ATAD2B: variants seen among roughly 807,000 people sequenced by gnomAD.
The protein encoded by ATAD2B is ATPase family AAA domain containing 2B.
A neutral mutation model predicts 167.6 loss-of-function variants in ATAD2B; 40 were observed. That is an observed-to-expected ratio of 0.24 (90% CI 0.19 to 0.31). The LOEUF (loss-of-function observed/expected upper bound fraction) is 0.31. Among genes scored for constraint, ATAD2B ranks in the 10% least tolerant of loss-of-function variants. The pLI is 1.00. For missense variants in ATAD2B, 1,242 were observed against 1,757.2 expected, an observed-to-expected ratio of 0.71 and a Z score of 5.24; for synonymous variants, 579 against 596.5, an observed-to-expected ratio of 0.97 and a Z score of 0.43.
Position 23,798,341 on chromosome 2 carries a change from C to A in ATAD2B, c.2455-18G>T, listed in dbSNP as rs749747154. On this transcript the variant is annotated intron_variant, in intron 18 of 27. Coordinates refer to ENST00000238789, the MANE Select transcript of ATAD2B (RefSeq NM_017552.4). ...CGAAAAATCTAATTAAGGAAAAAAA[C>A]CAACATTAAACAACTCAAATTGATT... The A allele has an allele frequency of 2.0e-4, 307 of 1,561,962 alleles. No homozygotes were observed. The highest frequency in any genetic ancestry group is 6.8e-4 in the Middle Eastern group (4 of 5,916).
chr2:23,690,903 G>C, the ATAD2B span: 1 of 152,266 alleles, frequency 6.6e-6, no homozygotes, highest in Non-Finnish European at 1.5e-5. Context: ...CCAGCCCGAC[G>C]CACACTCTAC....
intron 2 of ATAD2B, among the ~76,000 whole-genome samples, chr2:23,889,602 C>CTTT (rs1162448342): frequency 7.9e-5 from 12 of 152,030 alleles, no homozygotes; most frequent in Non-Finnish European, 1.3e-4. Flanking sequence ...GCAAAGGTCA[C>CTTT]AGTTAAGACG....
At position 23,823,513 on chromosome 2, in the gene ATAD2B, G is replaced by A; in HGVS notation, c.1876C>T (p.Arg626Trp). ...GCATAGATCTGGGGATAACGCCTCCGCAGTGCAATCAGGGCGGCTTCAGTG... is the reference window on the plus strand; with the variant it reads ...GCATAGATCTGGGGATAACGCCTCCACAGTGCAATCAGGGCGGCTTCAGTG... Reference protein sequence around the residue: ...LCTEAALIALRRRYPQIYASS... With the variant: ...LCTEAALIALWRRYPQIYASS... The change falls in exon 16 of 28, where the codon CGG becomes TGG. Residue 626 changes from arginine to tryptophan, a missense_variant. Transcript: ENST00000238789. The A allele has an allele frequency of 2.5e-6, 4 of 1,613,646 alleles. No homozygotes were observed. Among genetic ancestry groups the A allele is most frequent in the African/African-American group, 1.3e-5 (1 of 75,040 alleles).
chr2:23,918,355 A>C (rs1006958294), intron 1 of ATAD2B, among the ~76,000 whole-genome samples: 17 of 152,170 alleles, frequency 1.1e-4, no homozygotes, highest in African/African-American at 4.1e-4. Flanking sequence ...TGAGCAACAC[A>C]GCAAGATCCT....
At chr2:23,806,255 T>C (rs1308680796) in intron 18 of ATAD2B, 1 of 152,164 alleles carries the variant, frequency 6.6e-6, no homozygotes, top group African/African-American at 2.4e-5. Flanking sequence ...GAAATCCCAG[T>C]TTTATTTGTT....
chr2:23,847,232 G>A (rs1416574127), intron 13 of ATAD2B, among the ~76,000 whole-genome samples: 3 of 148,728 alleles, frequency 2.0e-5, no homozygotes, highest in South Asian at 2.2e-4. Flanking sequence ...GTGGCTGGGC[G>A]CTTTGGCTCA....
At chr2:23,889,978 G>T (rs1275831096) in intron 2 of ATAD2B, among the ~76,000 whole-genome samples, 1 of 151,494 alleles carries the variant, frequency 6.6e-6, no homozygotes, top group Admixed American at 6.6e-5. Context: ...ACTTTGGGAG[G>T]CCGAGGCGGG....
chr2:23,898,781 C>T (rs1230216332), intron 1 of ATAD2B, among the ~76,000 whole-genome samples: 3 of 152,198 alleles, frequency 2.0e-5, no homozygotes, highest in African/African-American at 7.2e-5. Context: ...GGCAGGACGA[C>T]TGCTTGAGGC....
chr2:23,811,263 G>A (rs757924152), intron 17 of ATAD2B: 1 of 152,180 alleles, frequency 6.6e-6, no homozygotes, highest in Non-Finnish European at 1.5e-5. Context: ...GCCTTTAGGA[G>A]GTGATTAAGT....
intron 7 of ATAD2B, among the ~76,000 whole-genome samples, chr2:23,879,381 G>A (rs1697511593): frequency 6.6e-6 from 1 of 151,902 alleles, no homozygotes; most frequent in Non-Finnish European, 1.5e-5. Context: ...GCCAAGGCAG[G>A]AGAATCCCTT....
chr2:23,835,884 T>G (rs1479813972), intron 13 of ATAD2B, among the ~76,000 whole-genome samples: 2 of 151,130 alleles, frequency 1.3e-5, no homozygotes, highest in African/African-American at 4.9e-5. Flanking sequence ...TGCAGTGAGC[T>G]GAAGTCGCAC....
the ATAD2B span, among the ~76,000 whole-genome samples, chr2:23,723,194 GAC>G: frequency 6.6e-6 from 1 of 152,238 alleles, no homozygotes; most frequent in East Asian, 1.9e-4. Flanking sequence ...CCAGAGGGCT[GAC>G]ATGTGAGAAT....
Position 23,798,308 on chromosome 2 carries a change from G to A in ATAD2B, c.2470C>T (p.Arg824Ter). 3 of 1,571,768 alleles carry A rather than the reference G, an allele frequency of 1.9e-6. No individual in the cohort carries two copies. The highest frequency in any genetic ancestry group is 1.4e-5 in the African/African-American group (1 of 73,534). Reference sequence around the variant, plus strand: ...TAAACAATACTAGGTACTGTTCTTCGAGCTTCACGAAAAATCTAATTAAGG... The same window carrying A: ...TAAACAATACTAGGTACTGTTCTTCAAGCTTCACGAAAAATCTAATTAAGG... ...ESCAQIFREA[R>*]RTVPSIVYMP... Residue 824 changes from arginine to a stop codon, truncating the protein, a stop_gained, in exon 19 of 28, where the codon CGA becomes TGA. Coordinates refer to ENST00000238789, the MANE Select transcript of ATAD2B (RefSeq NM_017552.4). LOFTEE classifies it high-confidence loss of function.
chr2:23,851,213 T>C (rs1012867869), intron 13 of ATAD2B, among the ~76,000 whole-genome samples: 3 of 152,218 alleles, frequency 2.0e-5, no homozygotes, highest in Non-Finnish European at 2.9e-5. Flanking sequence ...GGCACGATTG[T>C]GGCTCACTGC....
At chr2:23,737,323 C>T in the ATAD2B span, among the ~76,000 whole-genome samples, 6 of 152,304 alleles carry the variant, frequency 3.9e-5, no homozygotes, top group South Asian at 1.2e-3. Context: ...ACACCTCACA[C>T]GGCTTGATAC....
chr2:23,884,350 CT>C (rs1243925992), intron 6 of ATAD2B, among the ~76,000 whole-genome samples: 1 of 152,128 alleles, frequency 6.6e-6, no homozygotes, highest in African/African-American at 2.4e-5. Context: ...TCTCTCTAAA[CT>C]TTACTCTTTA....
chr2:23,804,875 C>T (rs1411459720), intron 18 of ATAD2B, among the ~76,000 whole-genome samples: 1 of 151,960 alleles, frequency 6.6e-6, no homozygotes, highest in East Asian at 1.9e-4. Flanking sequence ...CACAGTGGCT[C>T]ATGACTAGAT....
the ATAD2B span, among the ~76,000 whole-genome samples, chr2:23,740,588 C>T: frequency 6.6e-6 from 1 of 151,990 alleles, no homozygotes; most frequent in Non-Finnish European, 1.5e-5. Context: ...AACCCACAGC[C>T]GATATCATAC....
chr2:23,898,622 C>T (rs1700416346), intron 1 of ATAD2B, among the ~76,000 whole-genome samples: 1 of 152,178 alleles, frequency 6.6e-6, no homozygotes, highest in Admixed American at 6.6e-5. Context: ...TCATATTTGG[C>T]TCAGAATAAA....
Sources: allele counts gnomAD v4.1 joint callset (sites outside exome capture counted in the v4.1 genomes callset), GRCh38; gene constraint gnomAD v4.1.1; transcripts MANE v1.5; gene names NCBI Gene and HGNC (gene_info 2026-07-23, HGNC 2026-07-21).